CREB5: variants seen among roughly 807,000 people sequenced by gnomAD.
The protein encoded by CREB5 is cyclic AMP-responsive element-binding protein 5.
Under a neutral mutation model 57.1 loss-of-function variants are expected in CREB5, and 19 were observed. The observed-to-expected ratio is 0.33, with a 90% confidence interval of 0.23 to 0.49. CREB5 has a LOEUF of 0.49. Ranked by LOEUF, CREB5 falls within the 20% of genes least tolerant of loss-of-function variation. CREB5 has a pLI of 0.99. For synonymous variants in CREB5, 238 were observed against 238.3 expected, an observed-to-expected ratio of 1.00 and a Z score of 0.01; for missense variants, 579 against 671.6, an observed-to-expected ratio of 0.86 and a Z score of 1.52.
At chr7:28,460,232 C>G (rs561553785) in intron 1 of CREB5, among the ~76,000 whole-genome samples, 4 of 151,830 alleles carry the variant, frequency 2.6e-5, no homozygotes, top group Non-Finnish European at 4.4e-5. Flanking sequence ...TAAAAGGTTG[C>G]AGGGGGAGCA....
chr7:28,728,180 T>G (rs1232011506), intron 7 of CREB5, among the ~76,000 whole-genome samples: 1 of 152,170 alleles, frequency 6.6e-6, no homozygotes, highest in Non-Finnish European at 1.5e-5. Flanking sequence ...CCTCAGGAGA[T>G]CTTCCTGCCT....
intron 5 of CREB5, among the ~76,000 whole-genome samples, chr7:28,691,776 G>C (rs1243255935): frequency 6.6e-6 from 1 of 152,114 alleles, no homozygotes; most frequent in Non-Finnish European, 1.5e-5. Context: ...GGAAGGCCAG[G>C]TCAACATTAA....
chr7:28,327,720 T>C (rs1785635060), intron 1 of CREB5, among the ~76,000 whole-genome samples: 1 of 152,208 alleles, frequency 6.6e-6, no homozygotes, highest in South Asian at 2.1e-4. Context: ...AACATTCTTC[T>C]TCCTTTTAAC....
At chr7:28,532,244 C>T (rs118125191) in intron 4 of CREB5, among the ~76,000 whole-genome samples, 2,037 of 152,292 alleles carry the variant, frequency 0.013, 29 homozygotes, top group Middle Eastern at 0.048. Flanking sequence ...GGAAGCAGAT[C>T]CTCCAGTCCC....
chr7:28,370,229 C>T (rs370153535), intron 1 of CREB5, among the ~76,000 whole-genome samples: 3 of 152,294 alleles, frequency 2.0e-5, no homozygotes, highest in Admixed American at 1.3e-4. Context: ...CACGGTAGGA[C>T]GTGCCCTAGC....
chr7:28,686,098 C>T, intron 5 of CREB5: 3 of 1,605,318 alleles, frequency 1.9e-6, no homozygotes, highest in Non-Finnish European at 1.7e-6. Context: ...ATGACTCACT[C>T]AAGCTAGTTA....
Position 28,348,408 on chromosome 7 carries a change from T to TCTCTCACACACACACACACA in CREB5, c.-25+48968_-25+48969insTCTCACACACACACACACAC, listed in dbSNP as rs1376338798. Among the ~76,000 whole-genome samples the TCTCTCACACACACACACACA allele has an allele frequency of 4.4e-3, 517 of 118,214 alleles. 5 individuals are homozygous for TCTCTCACACACACACACACA. The highest frequency in any genetic ancestry group is 0.016 in the African/African-American group (496 of 31,698). 77.6% of individuals were successfully genotyped at this position (118,214 alleles called of 152,430 possible). A position where few individuals can be genotyped will look rare whatever the true frequency, so the allele number is the denominator to read the frequency against. On this transcript the variant is annotated intron_variant, in intron 1 of 9. Coordinates refer to the CREB5 transcript ENST00000396299. ...GTCTCTCTCTCTCTGTCTCTCTCTCTCACACACACACACACACACACACAC... is the reference window on the plus strand; with the variant it reads ...GTCTCTCTCTCTCTGTCTCTCTCTCTCTCTCACACACACACACACACACACACACACACACACACACACAC...
chr7:28,565,969 G>T (rs1335302948), intron 4 of CREB5, among the ~76,000 whole-genome samples: 1 of 152,148 alleles, frequency 6.6e-6, no homozygotes, highest in Non-Finnish European at 1.5e-5. Flanking sequence ...CACAGACTAT[G>T]TCTAATCTTG....
intron 7 of CREB5, among the ~76,000 whole-genome samples, chr7:28,741,325 C>A (rs537885537): frequency 1.3e-5 from 2 of 152,302 alleles, no homozygotes; most frequent in South Asian, 4.1e-4. Context: ...AAGAGCCTCC[C>A]TCCATCTGTT....
chr7:28,362,774 A>T (rs10275378), intron 1 of CREB5, among the ~76,000 whole-genome samples: 81,100 of 151,538 alleles, frequency 0.54, 21,710 homozygotes, highest in African/African-American at 0.56. Context: ...GAAAATCGGA[A>T]AAACAAGCTT....
chr7:28,737,963 T>C (rs988961326), intron 7 of CREB5, among the ~76,000 whole-genome samples: 7 of 152,208 alleles, frequency 4.6e-5, no homozygotes, highest in African/African-American at 1.7e-4. Context: ...CAGTGCAGTA[T>C]ATTTTCAAAT....
chr7:28,719,985 G>A (rs191810580), intron 6 of CREB5, among the ~76,000 whole-genome samples: 1,550 of 152,240 alleles, frequency 0.01, 11 homozygotes, highest in Admixed American at 0.014. Context: ...GCTTGAACCC[G>A]GGAGGCGGAG....
Position 28,513,725 on chromosome 7 carries a change from G to C in CREB5, c.291+5988G>C, listed in dbSNP as rs555420124. ...ACTCAGGGGAATGACTAAACCAGTG[G>C]ATAAACTGGAAGCTATTTCATGTGT... On this transcript the variant is annotated intron_variant, in intron 4 of 10. Coordinates refer to ENST00000357727, the MANE Select transcript of CREB5 (RefSeq NM_182898.4). 10 of 152,334 alleles carry C rather than the reference G, an allele frequency of 6.6e-5. No individual in the cohort carries two copies. The East Asian group carries it at 1.9e-3, about 29-fold the overall frequency. 9.4% of individuals were successfully genotyped at this position (152,334 alleles called of 1,614,324 possible).
chr7:28,531,401 A>G (rs1793722572), intron 4 of CREB5, among the ~76,000 whole-genome samples: 1 of 152,072 alleles, frequency 6.6e-6, no homozygotes, highest in Non-Finnish European at 1.5e-5. Flanking sequence ...TTACTTGTAG[A>G]TGCATCACTC....
chr7:28,738,730 A>C (rs1804174701), intron 7 of CREB5, among the ~76,000 whole-genome samples: 1 of 152,206 alleles, frequency 6.6e-6, no homozygotes, highest in Non-Finnish European at 1.5e-5. Context: ...AGATGAGCTA[A>C]AGAACTGCGT....
At chr7:28,480,473 C>A (rs1029495779) in intron 1 of CREB5, among the ~76,000 whole-genome samples, 14 of 152,176 alleles carry the variant, frequency 9.2e-5, no homozygotes, top group Non-Finnish European at 1.9e-4. Context: ...CGACCTAAAC[C>A]TTGGCTATGT....
intron 5 of CREB5, among the ~76,000 whole-genome samples, chr7:28,701,571 C>T (rs769724884): frequency 3.9e-5 from 6 of 152,126 alleles, no homozygotes; most frequent in African/African-American, 9.7e-5. Flanking sequence ...ACTACATACT[C>T]GTCTACAAAT....
At chr7:28,814,048 T>A (rs912932962) in intron 9 of CREB5, among the ~76,000 whole-genome samples, 2 of 152,190 alleles carry the variant, frequency 1.3e-5, no homozygotes, top group Non-Finnish European at 2.9e-5. Flanking sequence ...TAATTCAGAG[T>A]AAGAAAATGC....
At chr7:28,537,193 A>G (rs917937606) in intron 4 of CREB5, among the ~76,000 whole-genome samples, 44 of 152,334 alleles carry the variant, frequency 2.9e-4, no homozygotes, top group African/African-American at 1.0e-3. Context: ...TATTGTCTAT[A>G]TTTGAGAAAT....
Sources: allele counts gnomAD v4.1 joint callset (sites outside exome capture counted in the v4.1 genomes callset), GRCh38; gene constraint gnomAD v4.1.1; transcripts MANE v1.5; gene names NCBI Gene and HGNC (gene_info 2026-07-23, HGNC 2026-07-21).